The following GRAMD1B variants were observed in gnomAD, a reference collection of about 807,000 sequenced individuals.
The protein encoded by GRAMD1B is GRAM domain containing 1B, also known as protein Aster-B.
In GRAMD1B, 37 loss-of-function variants were observed where a neutral mutation model predicts 99.7. That is an observed-to-expected ratio of 0.37 (90% CI 0.29 to 0.49). GRAMD1B has a LOEUF of 0.49. Ranked by LOEUF, GRAMD1B falls within the 20% of genes least tolerant of loss-of-function variation. The probability of loss-of-function intolerance (pLI) is 0.98; values close to 1 mark genes in which losing one functional copy is unlikely to be tolerated. For synonymous variants in GRAMD1B, 427 were observed against 387.6 expected (o/e 1.10, Z -1.19); for missense variants, 888 against 1,009.2 (o/e 0.88, Z 1.63).
At chr11:123,450,222 A>T (rs146875062) in intron 1 of GRAMD1B, among the ~76,000 whole-genome samples, 3 of 152,188 alleles carry the variant, frequency 2.0e-5, no homozygotes, top group African/African-American at 7.2e-5. Flanking sequence ...CCAAAGACCC[A>T]TAACAGTTTT....
intron 2 of GRAMD1B, among the ~76,000 whole-genome samples, chr11:123,536,723 C>T (rs1794192): frequency 0.94 from 143,332 of 152,302 alleles, 67,524 homozygotes; most frequent in East Asian, 1. Context: ...GTGCCTTTCT[C>T]AGGACACAAG....
intron 14 of GRAMD1B, 98 bp from the exon 15 acceptor site, chr11:123,612,663 T>C: frequency 1.4e-6 from 1 of 731,144 alleles, no homozygotes; most frequent in South Asian, 1.5e-5. Flanking sequence ...TTAGTACAAA[T>C]GTGAAGCGGA....
chr11:123,437,531 G>A (rs1205804601), intron 1 of GRAMD1B, among the ~76,000 whole-genome samples: 1 of 152,060 alleles, frequency 6.6e-6, no homozygotes, highest in Non-Finnish European at 1.5e-5. Context: ...ACTATCTTTT[G>A]TACCATCTTT....
At chr11:123,598,898 G>C in intron 7 of GRAMD1B, 1 of 1,314,108 alleles carries the variant, frequency 7.6e-7, no homozygotes, top group South Asian at 1.2e-5. Flanking sequence ...GCATCTCTAG[G>C]TATCTCTTAT....
intron 1 of GRAMD1B, among the ~76,000 whole-genome samples, chr11:123,374,436 A>G (rs1946627525): frequency 6.6e-6 from 1 of 152,184 alleles, no homozygotes; most frequent in Admixed American, 6.5e-5. Flanking sequence ...TCTCTCAAAC[A>G]TGGGTATCAT....
In GRAMD1B at chr11:123,403,448, G is replaced by GATAATA. The variant is rs371716819; in HGVS notation, c.-176+44688_-176+44693dup. Among the ~76,000 whole-genome samples the GATAATA allele has an allele frequency of 2.6e-3, 355 of 139,162 alleles. 2 individuals carry two copies. The highest frequency in any genetic ancestry group is 6.8e-3 in the East Asian group (33 of 4,856). The allele number at this position is 139,162 out of a possible 152,430, so 91.3% of individuals were successfully genotyped here. A position where few individuals can be genotyped will look rare whatever the true frequency, so the allele number is the denominator to read the frequency against. ...GTCTCAAAATAATGATGATGATGAT[G>GATAATA]ATAATAATAATAATAATAATAATAA... On this transcript the variant is annotated intron_variant, in intron 1 of 20. Transcript: ENST00000638157.
chr11:123,601,796 T>C (rs1952015491), intron 8 of GRAMD1B, among the ~76,000 whole-genome samples: 1 of 152,230 alleles, frequency 6.6e-6, no homozygotes, highest in African/African-American at 2.4e-5. Context: ...AGTTCACAGC[T>C]GCTGTCATTT....
At chr11:123,567,955 T>C (rs528185963) in intron 2 of GRAMD1B, among the ~76,000 whole-genome samples, 1 of 152,348 alleles carries the variant, frequency 6.6e-6, no homozygotes, top group South Asian at 2.1e-4. Context: ...ACAACCAAAG[T>C]CAGTGCTCAG....
In GRAMD1B at chr11:123,612,679, C is replaced by A. The variant is rs181741020; in HGVS notation, c.1920-82C>A. The stretch of plus-strand genomic sequence containing the variant: ...TAGTACAAATGTGAAGCGGATCTGG[C>A]CTTAACTCCGAATTTCCCTTTTCCC... On this transcript the variant is annotated intron_variant, in intron 14 of 19. Transcript: ENST00000635736. 6.5e-6 allele frequency: 5 copies of A among 771,170 alleles called. No individual in the cohort carries two copies. The East Asian group carries it at 1.3e-4, about 21-fold the overall frequency. The allele number at this position is 771,170 out of a possible 1,614,324, so 47.8% of individuals were successfully genotyped here. A position where few individuals can be genotyped will look rare whatever the true frequency, so the allele number is the denominator to read the frequency against.
At chr11:123,469,458 G>C (rs1395662555) in intron 1 of GRAMD1B, among the ~76,000 whole-genome samples, 1 of 152,070 alleles carries the variant, frequency 6.6e-6, no homozygotes, top group African/African-American at 2.4e-5. Context: ...GGATGGATTC[G>C]AGAGTCACTA....
At chr11:123,615,959 A>C (rs1275068) in intron 17 of GRAMD1B, among the ~76,000 whole-genome samples, 57,862 of 152,096 alleles carry the variant, frequency 0.38, 11,639 homozygotes, top group South Asian at 0.56. Context: ...TAATATGTCA[A>C]ATAAAAGTAA....
chr11:123,458,652 A>G (rs772250496), intron 1 of GRAMD1B: 1 of 151,994 alleles, frequency 6.6e-6, no homozygotes, highest in Non-Finnish European at 1.5e-5. Context: ...TTATAGGATG[A>G]ACAGTATCCT....
chr11:123,537,608 A>C (rs1194960029), intron 2 of GRAMD1B, among the ~76,000 whole-genome samples: 1 of 152,166 alleles, frequency 6.6e-6, no homozygotes, highest in Non-Finnish European at 1.5e-5. Flanking sequence ...GGCATGTTCA[A>C]ATGGTTTCTG....
At chr11:123,362,093 T>C (rs10893025) in intron 1 of GRAMD1B, among the ~76,000 whole-genome samples, 57,355 of 152,068 alleles carry the variant, frequency 0.38, 12,095 homozygotes, top group African/African-American at 0.57. Flanking sequence ...GTTAACCATC[T>C]TTCCTCTTAG....
At chr11:123,398,074 A>G (rs1947530705) in intron 1 of GRAMD1B, among the ~76,000 whole-genome samples, 1 of 152,184 alleles carries the variant, frequency 6.6e-6, no homozygotes, top group Non-Finnish European at 1.5e-5. Context: ...ATAGACATGA[A>G]TTTGTTCCTC....
chr11:123,387,799 A>G (rs1947122206), intron 1 of GRAMD1B, among the ~76,000 whole-genome samples: 1 of 139,494 alleles, frequency 7.2e-6, no homozygotes. Context: ...AACAAGGCCC[A>G]CAAATACAGA....
chr11:123,410,507 C>T (rs1948007551), intron 1 of GRAMD1B, among the ~76,000 whole-genome samples: 1 of 152,106 alleles, frequency 6.6e-6, no homozygotes, highest in African/African-American at 2.4e-5. Flanking sequence ...CCGATACTGC[C>T]AGGGAGTCCC....
chr11:123,366,176 A>C (rs912378767), intron 1 of GRAMD1B, among the ~76,000 whole-genome samples: 4 of 152,292 alleles, frequency 2.6e-5, no homozygotes, highest in Admixed American at 2.6e-4. Flanking sequence ...GCTTCCTGCT[A>C]TTTGTCTGAG....
intron 1 of GRAMD1B, 189 bp from the exon 2 acceptor site, chr11:123,480,627 A>C: frequency 2.6e-6 from 1 of 379,346 alleles, no homozygotes; most frequent in East Asian, 3.7e-5. Context: ...ATGGCTGGGG[A>C]TTTTATCAGC....
Sources: allele counts gnomAD v4.1 joint callset (sites outside exome capture counted in the v4.1 genomes callset), GRCh38; gene constraint gnomAD v4.1.1; transcripts MANE v1.5; gene names NCBI Gene and HGNC (gene_info 2026-07-23, HGNC 2026-07-21).